Variants in PPHLN1 observed in about 807,000 individuals in gnomAD.
The protein encoded by PPHLN1 is periphilin 1.
In PPHLN1, 29 loss-of-function variants were observed where a neutral mutation model predicts 51.3. The ratio of observed to expected loss-of-function variants is 0.57; its 90% confidence interval spans 0.42 to 0.77. The LOEUF (loss-of-function observed/expected upper bound fraction) is 0.77. Ranked by LOEUF, PPHLN1 falls within the 30% of genes least tolerant of loss-of-function variation. The pLI, the probability that PPHLN1 is intolerant of heterozygous loss-of-function variation, is 0.00. For synonymous variants in PPHLN1, 147 were observed against 147.8 expected (o/e 0.99, Z 0.04); for missense variants, 436 against 438.4 (o/e 0.99, Z 0.05).
At chr12:42,335,752 T>A in intron 1 of PPHLN1, 131 bp from the exon 2 acceptor site, 1 of 399,040 alleles carries the variant, frequency 2.5e-6, no homozygotes, top group South Asian at 1.0e-4. Context: ...TTTCTTTTGG[T>A]CACTTTCATT....
intron 2 of PPHLN1, chr12:42,350,174 G>T (rs1378244153): frequency 1.5e-4 from 22 of 150,142 alleles, no homozygotes; most frequent in Non-Finnish European, 1.5e-5. Flanking sequence ...CCCAGACCGG[G>T]CGGCTGGGGG....
downstream of PPHLN1, chr12:42,444,180 T>C (rs139393584): frequency 3.3e-3 from 496 of 152,192 alleles, 2 homozygotes; most frequent in African/African-American, 0.011. Flanking sequence ...GAAATATCTT[T>C]ACATACTAAC....
At chr12:42,442,727 G>C, downstream of PPHLN1, 1 of 1,613,714 alleles carries the variant, frequency 6.2e-7, no homozygotes, top group Non-Finnish European at 8.5e-7. Flanking sequence ...CGAAGGCGAA[G>C]AGACTGCGCA....
intron 9 of PPHLN1, among the ~76,000 whole-genome samples, chr12:42,416,375 A>G (rs935474526): frequency 3.3e-5 from 5 of 152,180 alleles, no homozygotes; most frequent in African/African-American, 7.2e-5. Flanking sequence ...TTCAACCCCA[A>G]CAGGTGTAGT....
rs143549259 is a variant in PPHLN1, at chr12:42,400,889, A to G, written c.909+1895A>G. On this transcript the variant is annotated intron_variant, in intron 9 of 9. Transcript: ENST00000358314. ...GTTCGGTATTCTTAGAGATCATTCCATATTAGCCCATTATTAATAGATATT... is the reference window on the plus strand; with the variant it reads ...GTTCGGTATTCTTAGAGATCATTCCGTATTAGCCCATTATTAATAGATATT... Among the ~76,000 whole-genome samples, 1,082 of 152,014 alleles carry G rather than the reference A, an allele frequency of 7.1e-3. 12 individuals are homozygous for G. The highest frequency in any genetic ancestry group is 0.025 in the African/African-American group (1,033 of 41,434).
At chr12:42,400,757 G>A (rs1449204751) in intron 9 of PPHLN1, among the ~76,000 whole-genome samples, 3 of 140,590 alleles carry the variant, frequency 2.1e-5, no homozygotes, top group African/African-American at 8.0e-5. Context: ...GCGAGACCCT[G>A]TCTCTCTCTC....
At chr12:42,352,158 G>A in intron 3 of PPHLN1, 109 bp downstream of exon 3, 1 of 980,856 alleles carries the variant, frequency 1.0e-6, no homozygotes, top group African/African-American at 1.7e-5. Flanking sequence ...AACACTTTCT[G>A]CTTGATGCTC....
chr12:42,436,031 C>G (rs1488798934), intron 9 of PPHLN1, among the ~76,000 whole-genome samples: 4 of 152,218 alleles, frequency 2.6e-5, no homozygotes, highest in African/African-American at 9.6e-5. Flanking sequence ...CTAGTGGCTA[C>G]TGTATTGGAC....
chr12:42,331,946 C>T (rs539253597), intron 1 of PPHLN1: 8 of 152,304 alleles, frequency 5.3e-5, no homozygotes, highest in South Asian at 2.1e-4. Context: ...CAACATATGC[C>T]GCTAATCAGG....
chr12:42,335,883 T>G lies in PPHLN1; in HGVS notation c.-20T>G, dbSNP rs565104037. 1 of 1,513,052 alleles carries G rather than the reference T, an allele frequency of 6.6e-7. No individual in the cohort carries two copies. Among genetic ancestry groups the G allele is most frequent in the South Asian group, 1.4e-5 (1 of 73,078 alleles). 93.7% of individuals were successfully genotyped at this position (1,513,052 alleles called of 1,614,324 possible). Reference sequence around the variant, plus strand: ...CCATAATTCTTTTTTTTTTCTTTAGTGGCTTACAGAAGAGACGAAATGTGG... The same window carrying G: ...CCATAATTCTTTTTTTTTTCTTTAGGGGCTTACAGAAGAGACGAAATGTGG... On this transcript the variant is annotated splice_region_variant and 5_prime_UTR_variant, in exon 2 of 10. Transcript: ENST00000358314.
At chr12:42,330,220 A>G (rs12229735) in intron 1 of PPHLN1, among the ~76,000 whole-genome samples, 24,741 of 152,186 alleles carry the variant, frequency 0.16, 2,060 homozygotes, top group Admixed American at 0.2. Context: ...CTATCTCAGA[A>G]TAGAACAAAT....
At chr12:42,391,262 G>A (rs1020037099) in intron 7 of PPHLN1, among the ~76,000 whole-genome samples, 7 of 152,104 alleles carry the variant, frequency 4.6e-5, no homozygotes, top group Admixed American at 1.3e-4. Context: ...AGGGCAGAAC[G>A]GAGTTTCACT....
intron 9 of PPHLN1, among the ~76,000 whole-genome samples, chr12:42,409,465 G>A (rs1277779994): frequency 2.0e-5 from 3 of 152,082 alleles, no homozygotes; most frequent in Non-Finnish European, 4.4e-5. Flanking sequence ...AGGTTAATGT[G>A]CTTGGGAAAC....
intron 1 of PPHLN1, among the ~76,000 whole-genome samples, chr12:42,334,556 GCTAT>G (rs1375381691): frequency 1.3e-5 from 2 of 152,260 alleles, no homozygotes; most frequent in South Asian, 2.1e-4. Context: ...AAATGGAGTA[GCTAT>G]CTGTTTGCCC....
Position 42,363,062 on chromosome 12 carries a change from C to A in PPHLN1, c.299+7840C>A, listed in dbSNP as rs111903067. 1.8e-4 allele frequency among the ~76,000 whole-genome samples: 27 copies of A among 152,232 alleles called. 1 individual carries two copies. Among genetic ancestry groups the A allele is most frequent in the African/African-American group, 5.8e-4 (24 of 41,528 alleles). ...TATCATGTTACCCCTGGACTTGGTA[C>A]CAGAGAGAACTGACACAAACATGCC... is the stretch of plus-strand genomic sequence containing the variant. On this transcript the variant is annotated intron_variant, in intron 4 of 9. Coordinates refer to ENST00000358314, the MANE Select transcript of PPHLN1 (RefSeq NM_201439.2).
chr12:42,375,646 CT>C (rs1230473341), intron 5 of PPHLN1, among the ~76,000 whole-genome samples: 1 of 152,034 alleles, frequency 6.6e-6, no homozygotes, highest in Admixed American at 6.6e-5. Context: ...CTCTCTTACT[CT>C]TTTCCAACCC....
At chr12:42,425,106 G>T (rs2081331014) in intron 9 of PPHLN1, among the ~76,000 whole-genome samples, 1 of 151,494 alleles carries the variant, frequency 6.6e-6, no homozygotes, top group African/African-American at 2.4e-5. Context: ...TTGAGATAGA[G>T]TTTCGCTCTT....
chr12:42,440,871 AC>A (rs1198536313), intron 9 of PPHLN1, among the ~76,000 whole-genome samples: 5 of 152,224 alleles, frequency 3.3e-5, no homozygotes, highest in African/African-American at 7.2e-5. Context: ...GAGACACCGC[AC>A]CCGGCCACTA....
At chr12:42,417,453 C>G in intron 9 of PPHLN1, among the ~76,000 whole-genome samples, 1 of 152,052 alleles carries the variant, frequency 6.6e-6, no homozygotes, top group Non-Finnish European at 1.5e-5. Context: ...AGTTGGATTT[C>G]CTGAATTGGG....
Sources: allele counts gnomAD v4.1 joint callset (sites outside exome capture counted in the v4.1 genomes callset), GRCh38; gene constraint gnomAD v4.1.1; transcripts MANE v1.5; gene names NCBI Gene and HGNC (gene_info 2026-07-23, HGNC 2026-07-21).